PSMB7: variants seen among roughly 807,000 people sequenced by gnomAD.
The protein encoded by PSMB7 is proteasome subunit beta type-7.
A neutral mutation model predicts 28.1 loss-of-function variants in PSMB7; 5 were observed. That is an observed-to-expected ratio of 0.18 (90% CI 0.09 to 0.37). The LOEUF (loss-of-function observed/expected upper bound fraction) is 0.37. Among genes scored for constraint, PSMB7 ranks in the 10% least tolerant of loss-of-function variants. The probability of loss-of-function intolerance (pLI) is 1.00; values close to 1 mark genes in which losing one functional copy is unlikely to be tolerated. For missense variants in PSMB7, 275 were observed against 346.2 expected, an observed-to-expected ratio of 0.79 and a Z score of 1.63; for synonymous variants, 122 against 123.7, an observed-to-expected ratio of 0.99 and a Z score of 0.09.
chr9:124,364,974 T>C (rs930625317), intron 6 of PSMB7, among the ~76,000 whole-genome samples: 6 of 152,224 alleles, frequency 3.9e-5, no homozygotes, highest in African/African-American at 1.4e-4. Context: ...ACATGATCCT[T>C]CTTCCACAGC....
chr9:124,384,680 A>G (rs376941066), intron 5 of PSMB7, 24 bp from the exon 6 acceptor site: 2 of 1,610,296 alleles, frequency 1.2e-6, no homozygotes, highest in African/African-American at 1.3e-5. Flanking sequence ...GTGCACTTTT[A>G]GTGTATTTTA....
intron 5 of PSMB7, among the ~76,000 whole-genome samples, chr9:124,394,757 G>A (rs1830824317): frequency 6.6e-6 from 1 of 152,180 alleles, no homozygotes; most frequent in African/African-American, 2.4e-5. Context: ...AATTTTAGAA[G>A]TAAGTATTTT....
chr9:124,400,836 C>T (rs542488576), intron 5 of PSMB7, among the ~76,000 whole-genome samples: 1 of 152,216 alleles, frequency 6.6e-6, no homozygotes, highest in African/African-American at 2.4e-5. Context: ...ACAAGTAGAC[C>T]AAGACACATT....
Position 124,356,404 on chromosome 9 carries a change from G to C in PSMB7, c.722+360C>G, listed in dbSNP as rs1338570632. The stretch of plus-strand genomic sequence containing the variant: ...TTAGGAATCTCGGGGCACTCTGAGG[G>C]AAAGTGCTGGGGCTGCCCTGAAAAA... On this transcript the variant is annotated intron_variant, in intron 7 of 7. Transcript: ENST00000259457. The surrounding 1 kb of genome is among the most constrained non-coding windows in gnomAD (Gnocchi z 4.4). Among the ~76,000 whole-genome samples the C allele has an allele frequency of 6.6e-6, 1 of 152,154 alleles. No individual in the cohort carries two copies. Among genetic ancestry groups the C allele is most frequent in the African/African-American group, 2.4e-5 (1 of 41,436 alleles).
intron 6 of PSMB7, among the ~76,000 whole-genome samples, chr9:124,364,193 G>A (rs1256272034): frequency 6.6e-6 from 1 of 152,254 alleles, no homozygotes; most frequent in East Asian, 1.9e-4. Flanking sequence ...GTACAGATGA[G>A]GAAACTGGGG....
In PSMB7 at chr9:124,364,120, C is replaced by A. The variant is rs1476219202; in HGVS notation, c.571-7205G>T. Among the ~76,000 whole-genome samples the A allele has an allele frequency of 5.3e-5, 8 of 152,312 alleles. No individual in the cohort carries two copies. In the East Asian group the frequency reaches 1.3e-3, roughly 26 times the overall value. ...AGGGTATGAGAGAACTAACACCAGG[C>A]ACCTGCCACACCCCCGGGTCTGAGC... On this transcript the variant is annotated intron_variant, in intron 6 of 7. Coordinates refer to ENST00000259457, the MANE Select transcript of PSMB7 (RefSeq NM_002799.4).
intron 5 of PSMB7, among the ~76,000 whole-genome samples, chr9:124,399,115 G>T (rs1830872914): frequency 6.6e-6 from 1 of 151,980 alleles, no homozygotes; most frequent in Non-Finnish European, 1.5e-5. Context: ...GCATTCCAGG[G>T]GTGCTGCAAA....
intron 6 of PSMB7, among the ~76,000 whole-genome samples, chr9:124,362,633 G>A (rs1830473513): frequency 6.6e-6 from 1 of 152,158 alleles, no homozygotes; most frequent in Admixed American, 6.5e-5. Flanking sequence ...GTTAGAAGGA[G>A]TAAGTTCAAG....
Position 124,371,494 on chromosome 9 carries a change from AT to A in PSMB7, c.570+13103del, listed in dbSNP as rs138002032. ...GTTCAATAAGTGGTTATGATTCCAA[AT>A]TTTTACCAAATAGAATTCTAAAATG... On this transcript the variant is annotated intron_variant, in intron 6 of 7. Coordinates refer to ENST00000259457, the MANE Select transcript of PSMB7 (RefSeq NM_002799.4). 7.2e-3 allele frequency among the ~76,000 whole-genome samples: 1,098 copies of A among 152,270 alleles called. 14 individuals are homozygous for A. The highest frequency in any genetic ancestry group is 0.025 in the African/African-American group (1,044 of 41,546).
At chr9:124,405,529 T>G in intron 4 of PSMB7, 97 bp from the exon 5 acceptor site, 2 of 790,318 alleles carry the variant, frequency 2.5e-6, no homozygotes, top group Non-Finnish European at 4.3e-6. Context: ...TAACAAAAAG[T>G]TTTCCTTAAG....
chr9:124,386,973 G>A (rs919478335), intron 5 of PSMB7, among the ~76,000 whole-genome samples: 5 of 152,072 alleles, frequency 3.3e-5, no homozygotes, highest in Non-Finnish European at 7.3e-5. Flanking sequence ...CTGGCCGGGC[G>A]CGGTGGCTCA....
chr9:124,378,212 C>T (rs1458206999), intron 6 of PSMB7, among the ~76,000 whole-genome samples: 1 of 152,232 alleles, frequency 6.6e-6, no homozygotes, highest in African/African-American at 2.4e-5. Context: ...AAATATTGTG[C>T]ACTATCTGCT....
chr9:124,364,667 G>C (rs911961983), intron 6 of PSMB7, among the ~76,000 whole-genome samples: 1 of 152,114 alleles, frequency 6.6e-6, no homozygotes, highest in Non-Finnish European at 1.5e-5. Context: ...AACGCGGCCC[G>C]TGATAACTCT....
In PSMB7 at chr9:124,353,573, G is replaced by A. The variant is rs763542318; in HGVS notation, c.*25C>T. 52 of 1,532,880 alleles carry A rather than the reference G, an allele frequency of 3.4e-5. No individual in the cohort carries two copies. The highest frequency in any genetic ancestry group is 1.6e-4 in the African/African-American group (12 of 73,172). The allele number at this position is 1,532,880 out of a possible 1,614,324, so 95.0% of individuals were successfully genotyped here. ...TCAATGCTCACCACCTTCCAGAACC[G>A]CGGCCAGCCACCCACTGATGCCATT... On this transcript the variant is annotated 3_prime_UTR_variant, in exon 8 of 8. Coordinates refer to ENST00000259457, the MANE Select transcript of PSMB7 (RefSeq NM_002799.4).
Position 124,353,643 on chromosome 9 carries a change from C to T in PSMB7, c.789G>A (p.Glu263=), listed in dbSNP as rs1171906696. 6.2e-7 allele frequency: 1 copy of T among 1,614,132 alleles called. No individual in the cohort carries two copies. Among genetic ancestry groups the T allele is most frequent in the Non-Finnish European group, 8.5e-7 (1 of 1,179,968 alleles). The change falls in exon 8 of 8, where the codon GAG becomes GAA. Residue 263 remains glutamate, a synonymous_variant. Transcript: ENST00000259457. ...GGACTGTTTCTTCCAGCACCTCAAT[C>T]TCCAGAGGAGTGATTTTCTCAGTGA... is the stretch of plus-strand genomic sequence containing the variant. ...AVLTEKITPL[E]IEVLEETVQT... is the part of the protein sequence containing the mutation.
chr9:124,368,286 C>CTT (rs745544184), intron 6 of PSMB7, among the ~76,000 whole-genome samples: 2 of 152,202 alleles, frequency 1.3e-5, no homozygotes, highest in Non-Finnish European at 2.9e-5. Context: ...ACCATCAAGT[C>CTT]TTTAAGTAAA....
chr9:124,413,236 T>C (rs2131183777), intron 3 of PSMB7, among the ~76,000 whole-genome samples: 1 of 146,704 alleles, frequency 6.8e-6, no homozygotes. Flanking sequence ...AAAAACACTC[T>C]ACAAGCAGAG....
chr9:124,401,569 G>T (rs1830907374), intron 5 of PSMB7, among the ~76,000 whole-genome samples: 1 of 152,212 alleles, frequency 6.6e-6, no homozygotes, highest in Non-Finnish European at 1.5e-5. Context: ...AATTATCCCA[G>T]CTTGGAAGTG....
chr9:124,406,758 C>T (rs1240326709), intron 4 of PSMB7, among the ~76,000 whole-genome samples: 2 of 152,118 alleles, frequency 1.3e-5, no homozygotes, highest in Non-Finnish European at 2.9e-5. Flanking sequence ...CCACCCACAC[C>T]ATCTCCACTT....
Sources: gnomAD v4.1 joint callset for allele counts (sites outside exome capture counted in the v4.1 genomes callset) on GRCh38, gnomAD v4.1.1 for gene constraint, Gnocchi (gnomAD v3.1) non-coding constraint, MANE v1.5 for transcripts, NCBI Gene and HGNC (gene_info 2026-07-23, HGNC 2026-07-21) for gene names.